ASIC2: variants seen among roughly 807,000 people sequenced by gnomAD.
The protein encoded by ASIC2 is acid sensing ion channel subunit 2, also known as acid-sensing ion channel 2.
ASIC2 carries 25 observed loss-of-function variants against 57.3 expected under a neutral mutation model. The ratio of observed to expected loss-of-function variants is 0.44; its 90% CI spans 0.32 to 0.61. ASIC2 has a LOEUF of 0.61. Ranked by LOEUF, ASIC2 falls within the 20% of genes least tolerant of loss-of-function variation. The pLI is 0.06. For missense variants in ASIC2, 641 were observed against 738.1 expected (o/e 0.87, Z 1.52); for synonymous variants, 319 against 307.5 (o/e 1.04, Z -0.39).
chr17:33,657,915 G>A (rs1291785609), intron 1 of ASIC2, among the ~76,000 whole-genome samples: 2 of 152,164 alleles, frequency 1.3e-5, no homozygotes, highest in Non-Finnish European at 2.9e-5. Flanking sequence ...TAGAGCCTGG[G>A]GGAAGTGTGG....
At chr17:33,140,262 A>C (rs1171587779) in intron 1 of ASIC2, among the ~76,000 whole-genome samples, 1 of 152,216 alleles carries the variant, frequency 6.6e-6, no homozygotes. Flanking sequence ...CCCACTGCAC[A>C]TGCTCTGAAG....
At chr17:33,906,316 C>T (rs1915347527) in intron 1 of ASIC2, among the ~76,000 whole-genome samples, 1 of 152,174 alleles carries the variant, frequency 6.6e-6, no homozygotes, top group African/African-American at 2.4e-5. Flanking sequence ...ATGTCCTTCC[C>T]CTAGGAGTAG....
intron 1 of ASIC2, among the ~76,000 whole-genome samples, chr17:33,787,365 T>A (rs1911637256): frequency 1.3e-5 from 2 of 152,218 alleles, no homozygotes; most frequent in Admixed American, 6.5e-5. Context: ...AGACCTGTAT[T>A]CACACATTCC....
In ASIC2 at chr17:33,124,299, C is replaced by G. The variant is rs1597589705; in HGVS notation, c.709-12232G>C. ...CAAAGCCATCACAGATTCACAAATG[C>G]AGAGAGTTTTCTATAGTTTAATCAG... On this transcript the variant is annotated intron_variant, in intron 1 of 9. Transcript: ENST00000225823. Among the ~76,000 whole-genome samples the G allele has an allele frequency of 4.6e-5, 7 of 152,302 alleles. 1 individual carries two copies. In the South Asian group the frequency reaches 1.5e-3, roughly 32 times the overall value.
At chr17:33,826,810 T>C (rs1003060395) in intron 1 of ASIC2, among the ~76,000 whole-genome samples, 8 of 152,164 alleles carry the variant, frequency 5.3e-5, no homozygotes, top group Non-Finnish European at 1.0e-4. Context: ...GAGTCAGACA[T>C]AGTGTCTGTC....
intron 1 of ASIC2, among the ~76,000 whole-genome samples, chr17:33,322,295 G>A (rs1906900840): frequency 2.6e-5 from 4 of 152,176 alleles, no homozygotes; most frequent in Admixed American, 1.3e-4. Flanking sequence ...CCGAGTGACA[G>A]TAGCAAAGCC....
At chr17:33,758,184 G>T (rs373408564) in intron 1 of ASIC2, among the ~76,000 whole-genome samples, 3 of 152,046 alleles carry the variant, frequency 2.0e-5, no homozygotes, top group African/African-American at 7.2e-5. Flanking sequence ...GTGTGTGTGT[G>T]TATATATGTG....
At chr17:33,870,346 C>A (rs1914369835) in intron 1 of ASIC2, among the ~76,000 whole-genome samples, 1 of 141,270 alleles carries the variant, frequency 7.1e-6, no homozygotes, top group Non-Finnish European at 1.5e-5. Context: ...CAGCAAGAAG[C>A]AGCCAGAGAT....
chr17:33,908,253 G>A (rs1282122469), intron 1 of ASIC2, among the ~76,000 whole-genome samples: 7 of 152,202 alleles, frequency 4.6e-5, no homozygotes, highest in African/African-American at 1.4e-4. Flanking sequence ...CTACTCTGAT[G>A]CTGACCAAAG....
intron 1 of ASIC2, among the ~76,000 whole-genome samples, chr17:33,230,316 T>C (rs1908040180): frequency 6.6e-6 from 1 of 152,248 alleles, no homozygotes; most frequent in African/African-American, 2.4e-5. Flanking sequence ...GCTCAGAAGT[T>C]GCTCTGGTGA....
chr17:33,533,068 C>T (rs564659126), intron 1 of ASIC2, among the ~76,000 whole-genome samples: 2 of 152,292 alleles, frequency 1.3e-5, no homozygotes, highest in South Asian at 2.1e-4. Flanking sequence ...TATTTCAGGC[C>T]GAGTGCAGTG....
At chr17:33,254,671 T>C (rs983752144) in intron 1 of ASIC2, among the ~76,000 whole-genome samples, 4 of 152,200 alleles carry the variant, frequency 2.6e-5, no homozygotes, top group Non-Finnish European at 5.9e-5. Context: ...TCTCCCACTT[T>C]GTAGGCATGT....
chr17:33,524,533 A>G (rs1368179906), intron 1 of ASIC2, among the ~76,000 whole-genome samples: 1 of 152,148 alleles, frequency 6.6e-6, no homozygotes, highest in Non-Finnish European at 1.5e-5. Flanking sequence ...GTTCTGGGTG[A>G]AGTGTAGACT....
At chr17:33,751,108 G>A (rs1246134158) in intron 1 of ASIC2, among the ~76,000 whole-genome samples, 3 of 152,162 alleles carry the variant, frequency 2.0e-5, no homozygotes, top group Non-Finnish European at 4.4e-5. Flanking sequence ...CGGGTGGGGA[G>A]GCTGAGTTGC....
At chr17:33,994,891 A>T (rs1327888063) in intron 1 of ASIC2, among the ~76,000 whole-genome samples, 1 of 152,192 alleles carries the variant, frequency 6.6e-6, no homozygotes, top group African/African-American at 2.4e-5. Context: ...TGCAGAAAAA[A>T]AACGGTGCTT....
intron 1 of ASIC2, among the ~76,000 whole-genome samples, chr17:33,495,732 C>A (rs1387198893): frequency 6.6e-6 from 1 of 152,202 alleles, no homozygotes; most frequent in Non-Finnish European, 1.5e-5. Context: ...ACTAAGTACA[C>A]ATCCATTCCT....
intron 1 of ASIC2, among the ~76,000 whole-genome samples, chr17:33,756,557 C>T (rs1348589850): frequency 6.6e-6 from 1 of 152,236 alleles, no homozygotes; most frequent in South Asian, 2.1e-4. Context: ...CAAGTGAGAC[C>T]TACACTCACA....
At chr17:33,547,833 C>T (rs1032875883) in intron 1 of ASIC2, among the ~76,000 whole-genome samples, 6 of 152,212 alleles carry the variant, frequency 3.9e-5, no homozygotes, top group African/African-American at 1.4e-4. Flanking sequence ...CTCCCCACCT[C>T]ATACCCAGTT....
intron 1 of ASIC2, among the ~76,000 whole-genome samples, chr17:33,150,922 C>T (rs1343389128): frequency 1.3e-5 from 2 of 148,438 alleles, no homozygotes; most frequent in East Asian, 2.0e-4. Flanking sequence ...CCCAGCTATT[C>T]GGGAGGCTGA....
Sources: gnomAD v4.1 joint callset for allele counts (sites outside exome capture counted in the v4.1 genomes callset) on GRCh38, gnomAD v4.1.1 for gene constraint, MANE v1.5 for transcripts, NCBI Gene and HGNC (gene_info 2026-07-23, HGNC 2026-07-21) for gene names.